Variants in MX2 observed in about 807,000 individuals in gnomAD.
MX2 encodes the protein MX dynamin like GTPase 2.
In MX2, 51 loss-of-function variants were observed where a neutral mutation model predicts 74.0. That is an observed-to-expected ratio of 0.69 (90% CI 0.55 to 0.87). The LOEUF (loss-of-function observed/expected upper bound fraction) is 0.87. Ranked by LOEUF, MX2 falls within the 40% of genes least tolerant of loss-of-function variation. MX2 has a pLI of 0.00. For missense variants in MX2, 832 were observed against 908.7 expected (o/e 0.92, Z 1.09); for synonymous variants, 369 against 339.3 (o/e 1.09, Z -0.96).
intron 1 of MX2, chr21:41,370,360 G>A (rs918653542): frequency 6.6e-5 from 10 of 152,232 alleles, no homozygotes; most frequent in African/African-American, 2.2e-4. Flanking sequence ...GTACGATGAC[G>A]GTCCTCGGGC....
In MX2 at chr21:41,408,134, T is replaced by C. The variant is rs761593917; in HGVS notation, c.2049T>C (p.Ser683=). The C allele has an allele frequency of 1.2e-6, 2 of 1,614,002 alleles. No homozygotes were observed. The highest frequency in any genetic ancestry group is 1.1e-5 in the South Asian group (1 of 91,050). ...NRYSWLLQEQ[S]ETATKRRILK... ...ATTCCTGGCTGCTTCAAGAGCAGAG[T>C]GAGACCGCTACCAAGAGAAGAATCC... Residue 683 remains serine, a synonymous_variant, in exon 14 of 14, where the codon AGT becomes AGC. Coordinates refer to ENST00000330714, the MANE Select transcript of MX2 (RefSeq NM_002463.2).
In MX2 at chr21:41,406,870, C is replaced by T. The variant is rs775984836; in HGVS notation, c.1777C>T (p.Arg593Ter). ...QIYSVVLKKV[R>*]EEIFNPLGTP... The stretch of plus-strand genomic sequence containing the variant: ...TTACAGTGTTGTTCTGAAGAAAGTC[C>T]GAGAAGAGATTTTTAACCCTCTGGG... The change falls in exon 13 of 14, where the codon CGA (arginine) becomes TGA (stop). Residue 593 changes from arginine (R) to a stop codon, truncating the protein, a stop_gained. Coordinates refer to ENST00000330714, the MANE Select transcript of MX2 (RefSeq NM_002463.2). LOFTEE classifies it high-confidence loss of function. The T allele has an allele frequency of 2.8e-5, 45 of 1,613,960 alleles. No individual in the cohort carries two copies. Among genetic ancestry groups the T allele is most frequent in the Non-Finnish European group, 3.4e-5 (40 of 1,180,022 alleles).
At chr21:41,398,241 G>T (rs2089761288) in intron 8 of MX2, among the ~76,000 whole-genome samples, 1 of 152,238 alleles carries the variant, frequency 6.6e-6, no homozygotes, top group Non-Finnish European at 1.5e-5. Flanking sequence ...CCCGGAAGGT[G>T]GAGGTTGTGG....
intron 5 of MX2, 137 bp downstream of exon 5, chr21:41,382,701 G>A: frequency 1.7e-6 from 2 of 1,165,242 alleles, no homozygotes; most frequent in South Asian, 1.5e-5. Context: ...CTGCCCAGGT[G>A]GGGGCCTCAT....
chr21:41,367,837 G>A (rs1467367380), intron 1 of MX2, among the ~76,000 whole-genome samples: 1 of 152,070 alleles, frequency 6.6e-6, no homozygotes, highest in African/African-American at 2.4e-5. Context: ...GTCCTTCCTT[G>A]GATCCGTCAC....
rs1432122961 is a variant in MX2 at position 41,388,676 on chromosome 21, A to G, written c.733-1889A>G. The stretch of plus-strand genomic sequence containing the variant: ...GGCACTGCTAATGTTTGCTGCATGC[A>G]CATAACGTGCTCTTTATGGTCACCC... On this transcript the variant is annotated intron_variant, in intron 5 of 13. Coordinates refer to ENST00000330714, the MANE Select transcript of MX2 (RefSeq NM_002463.2). This position sits in a 1 kb window ranked among gnomAD's most constrained non-coding sequence, Gnocchi z 4.0. Among the ~76,000 whole-genome samples, 1 of 152,198 alleles carries G rather than the reference A, an allele frequency of 6.6e-6. No individual in the cohort carries two copies. Among genetic ancestry groups the G allele is most frequent in the Non-Finnish European group, 1.5e-5 (1 of 68,036 alleles).
rs1419668239 is a variant in MX2 at position 41,398,950 on chromosome 21, C to T, written c.1203C>T (p.Thr401=). The stretch of plus-strand genomic sequence containing the variant: ...TAAGGGAGAGCCACCAGAAGGCGAC[C>T]GAGGAGCTGCGGCGTTGCGGGGCTG... ...GQIRESHQKA[T]EELRRCGADI... The change falls in exon 9 of 14, where the codon ACC becomes ACT. Residue 401 remains threonine, a synonymous_variant. Coordinates refer to ENST00000330714, the MANE Select transcript of MX2 (RefSeq NM_002463.2). 1.2e-6 allele frequency: 2 copies of T among 1,613,908 alleles called. No homozygotes were observed. The highest frequency in any genetic ancestry group is 1.1e-5 in the South Asian group (1 of 91,076).
At chr21:41,399,112 G>C (rs1402309871) in intron 9 of MX2, 84 bp from the exon 10 acceptor site, 1 of 1,595,148 alleles carries the variant, frequency 6.3e-7, no homozygotes, top group Non-Finnish European at 8.6e-7. Flanking sequence ...AGATGAGGTG[G>C]GCGGGTGGAC....
intron 7 of MX2, 61 bp from the exon 8 acceptor site, chr21:41,397,552 C>T (rs1280561873): frequency 7.4e-6 from 11 of 1,494,868 alleles, no homozygotes; most frequent in South Asian, 1.1e-5. Context: ...GCACAAAGTC[C>T]GGTACTAGCA....
chr21:41,395,439 T>G, intron 6 of MX2, 148 bp from the exon 7 acceptor site: 4 of 648,572 alleles, frequency 6.2e-6, no homozygotes, highest in Non-Finnish European at 1.1e-5. Context: ...AGAGGGGCAA[T>G]GAGGGAATGA....
intron 1 of MX2, among the ~76,000 whole-genome samples, chr21:41,375,847 G>A (rs900254544): frequency 3.3e-5 from 5 of 152,192 alleles, no homozygotes; most frequent in Admixed American, 3.3e-4. Context: ...GAGGAAAGGG[G>A]GATACAGTGT....
intron 12 of MX2, among the ~76,000 whole-genome samples, chr21:41,406,361 T>C (rs929981562): frequency 2.0e-5 from 3 of 152,186 alleles, no homozygotes; most frequent in Non-Finnish European, 4.4e-5. Context: ...TATCACACTA[T>C]TATCCCAGTG....
intron 6 of MX2, among the ~76,000 whole-genome samples, chr21:41,392,903 G>C (rs971697545): frequency 6.6e-6 from 1 of 151,922 alleles, no homozygotes; most frequent in African/African-American, 2.4e-5. Flanking sequence ...TCAGGAGTTC[G>C]AGACCACCCT....
intron 2 of MX2, 95 bp downstream of exon 2, chr21:41,377,250 G>T: frequency 6.5e-7 from 1 of 1,527,698 alleles, no homozygotes; most frequent in Non-Finnish European, 8.9e-7. Context: ...GAACCAGCCA[G>T]TCTGCTCCTC....
At position 41,408,916 on chromosome 21, in the gene MX2, TAAAGC is replaced by T. The variant is rs1238710669; in HGVS notation, c.*688_*692del. ...TGTTAAGTCTTGAAGAGGAATTTAA[TAAAGC>T]AAAGAAACTTTTTAAAAACGTAGCC... On this transcript the variant is annotated 3_prime_UTR_variant, in exon 14 of 14. Coordinates refer to ENST00000330714, the MANE Select transcript of MX2 (RefSeq NM_002463.2). 6.6e-6 allele frequency: 1 copy of T among 152,228 alleles called. No individual in the cohort carries two copies. The highest frequency in any genetic ancestry group is 2.4e-5 in the African/African-American group (1 of 41,436). 9.4% of individuals were successfully genotyped at this position (152,228 alleles called of 1,614,324 possible).
At chr21:41,381,784 T>C (rs997223002) in intron 4 of MX2, among the ~76,000 whole-genome samples, 1 of 151,732 alleles carries the variant, frequency 6.6e-6, no homozygotes. Flanking sequence ...CTGGTGGGAA[T>C]GTAAGTTGGT....
Position 41,380,700 on chromosome 21 carries a change from G to A in MX2, c.577+549G>A, listed in dbSNP as rs2089478076. Among the ~76,000 whole-genome samples, 1 of 152,180 alleles carries A rather than the reference G, an allele frequency of 6.6e-6. No individual in the cohort carries two copies. The highest frequency in any genetic ancestry group is 2.4e-5 in the African/African-American group (1 of 41,430). The stretch of plus-strand genomic sequence containing the variant: ...AAATGCAGACCCCTCTCACCCAGCT[G>A]TGGAACAAGTTTCCCAATGCTTGTT... On this transcript the variant is annotated intron_variant, in intron 4 of 13. Transcript: ENST00000330714. This position sits in a 1 kb window ranked among gnomAD's most constrained non-coding sequence, Gnocchi z 4.3.
In MX2 at chr21:41,394,578, T is replaced by G. The variant is rs541382506; in HGVS notation, c.872-1009T>G. Among the ~76,000 whole-genome samples, 4 of 152,296 alleles carry G rather than the reference T, an allele frequency of 2.6e-5. No individual in the cohort carries two copies. The South Asian group carries it at 8.3e-4, about 32-fold the overall frequency. The stretch of plus-strand genomic sequence containing the variant: ...TCGTATATTACTAGATTAATTTATC[T>G]GGAAAGAGAGGTTCAAGAATAGTAG... On this transcript the variant is annotated intron_variant, in intron 6 of 13. Transcript: ENST00000330714.
At chr21:41,364,056 C>T (rs1174098510) in intron 1 of MX2, 1 of 154,388 alleles carries the variant, frequency 6.5e-6, no homozygotes, top group Non-Finnish European at 1.5e-5. Context: ...GGATGATAGA[C>T]CCAAAAGCAT....
Sources: gnomAD v4.1 joint callset for allele counts (sites outside exome capture counted in the v4.1 genomes callset) on GRCh38, gnomAD v4.1.1 for gene constraint, Gnocchi (gnomAD v3.1) non-coding constraint, MANE v1.5 for transcripts, NCBI Gene and HGNC (gene_info 2026-07-23, HGNC 2026-07-21) for gene names.